KIAA1549L: variants seen among roughly 807,000 people sequenced by gnomAD.
The protein encoded by KIAA1549L is KIAA1549 like.
Under a neutral mutation model 160.7 loss-of-function variants are expected in KIAA1549L, and 88 were observed. The observed-to-expected ratio is 0.55, with a 90% CI of 0.46 to 0.65. The LOEUF is 0.65. Among genes scored for constraint, KIAA1549L ranks in the 30% least tolerant of loss-of-function variants. The pLI, the probability that KIAA1549L is intolerant of heterozygous loss-of-function variation, is 0.00. For synonymous variants in KIAA1549L, 950 were observed against 976.7 expected, an observed-to-expected ratio of 0.97 and a Z score of 0.51; for missense variants, 2,258 against 2,437.5, an observed-to-expected ratio of 0.93 and a Z score of 1.55.
intron 1 of KIAA1549L, among the ~76,000 whole-genome samples, chr11:33,422,680 A>G (rs1851041788): frequency 6.6e-6 from 1 of 151,324 alleles, no homozygotes; most frequent in Admixed American, 6.6e-5. Flanking sequence ...CAACTGTAAG[A>G]TGCCTTTTTC....
At chr11:33,625,907 T>G (rs1447055819) in intron 16 of KIAA1549L, among the ~76,000 whole-genome samples, 2 of 151,278 alleles carry the variant, frequency 1.3e-5, no homozygotes, top group Non-Finnish European at 3.0e-5. Flanking sequence ...AACGTTTAAG[T>G]CTTTAATCCA....
intron 16 of KIAA1549L, among the ~76,000 whole-genome samples, chr11:33,635,760 T>C (rs10836087): frequency 0.7 from 107,071 of 152,004 alleles, 38,743 homozygotes; most frequent in African/African-American, 0.89. Flanking sequence ...GACTTTTGAG[T>C]AGGAATTCTC....
chr11:33,419,905 C>CATACATACAT (rs1230090541), intron 1 of KIAA1549L, among the ~76,000 whole-genome samples: 2 of 53,518 alleles, frequency 3.7e-5, no homozygotes, highest in Non-Finnish European at 9.8e-5. Context: ...TACATACATA[C>CATACATACAT]ATATATATAT....
Position 33,378,861 on chromosome 11 carries a change from T to G in KIAA1549L, c.238+1972T>G, listed in dbSNP as rs1850015056. 3.9e-5 allele frequency among the ~76,000 whole-genome samples: 6 copies of G among 152,154 alleles called. No homozygotes were observed. The South Asian group carries it at 1.0e-3, about 26-fold the overall frequency. On this transcript the variant is annotated intron_variant, in intron 1 of 20. Coordinates refer to ENST00000658780, the MANE Select transcript of KIAA1549L (RefSeq NM_012194.3). The stretch of plus-strand genomic sequence containing the variant: ...CTCTCATTTGTTCTCTGATTTCCAC[T>G]GGAGGCAGTTTCACCCCAGGGTAGG...
intron 1 of KIAA1549L, among the ~76,000 whole-genome samples, chr11:33,405,866 A>G (rs1850639502): frequency 6.6e-6 from 1 of 150,472 alleles, no homozygotes; most frequent in East Asian, 1.9e-4. Flanking sequence ...AAAAAAAAGC[A>G]AAAGCTCTAC....
Position 33,545,261 on chromosome 11 carries a change from T to G in KIAA1549L, c.3268T>G (p.Leu1090Val), listed in dbSNP as rs755705749. 6.2e-7 allele frequency: 1 copy of G among 1,613,834 alleles called. No individual in the cohort carries two copies. Among genetic ancestry groups the G allele is most frequent in the Non-Finnish European group, 8.5e-7 (1 of 1,179,890 alleles). The change falls in exon 3 of 21, where the codon TTG becomes GTG. Residue 1090 changes from leucine (L) to valine (V), a missense_variant. By Grantham distance (32) the Leu-to-Val change is conservative. This residue lies in a region of KIAA1549L where 1,359 missense variants were observed against 1,546.6 expected (regional missense o/e 0.88). Transcript: ENST00000658780. ...AGTGAAGGCCACCCGGTTGCCACCATTGCGAGCAGAAAACACAGATGCTGT... is the reference window on the plus strand; with the variant it reads ...AGTGAAGGCCACCCGGTTGCCACCAGTGCGAGCAGAAAACACAGATGCTGT... ...ASVKATRLPP[L>V]RAENTDAVLP...
At chr11:33,465,766 T>C (rs142972144) in intron 1 of KIAA1549L, among the ~76,000 whole-genome samples, 1,754 of 152,216 alleles carry the variant, frequency 0.012, 20 homozygotes, top group African/African-American at 0.04. Flanking sequence ...TTTAATAGAT[T>C]GTGCCGGGAA....
chr11:33,614,908 G>GC, intron 15 of KIAA1549L, among the ~76,000 whole-genome samples: 1 of 148,806 alleles, frequency 6.7e-6, no homozygotes, highest in South Asian at 2.2e-4. Flanking sequence ...ACAGTGCCGG[G>GC]CCTCAAGCTA....
intron 1 of KIAA1549L, among the ~76,000 whole-genome samples, chr11:33,464,864 A>AT (rs1026742172): frequency 3.3e-5 from 5 of 151,482 alleles, no homozygotes; most frequent in Middle Eastern, 3.4e-3. Context: ...TTCCATTCAG[A>AT]TTTTTTTTAG....
intron 1 of KIAA1549L, among the ~76,000 whole-genome samples, chr11:33,470,561 TG>T (rs773564500): frequency 5.9e-5 from 9 of 152,150 alleles, no homozygotes; most frequent in Non-Finnish European, 1.0e-4. Context: ...ACAGAGTAGC[TG>T]GGACTACAGG....
chr11:33,413,926 A>G (rs1850834311), intron 1 of KIAA1549L, among the ~76,000 whole-genome samples: 1 of 152,176 alleles, frequency 6.6e-6, no homozygotes. Context: ...ACATTCAGAA[A>G]AAGAAGATTA....
At chr11:33,444,358 T>A (rs748485034) in intron 1 of KIAA1549L, among the ~76,000 whole-genome samples, 6 of 152,208 alleles carry the variant, frequency 3.9e-5, no homozygotes, top group Non-Finnish European at 7.3e-5. Context: ...AGATATGCTC[T>A]TATAGAATGA....
chr11:33,410,194 G>C (rs1850759914), intron 1 of KIAA1549L, among the ~76,000 whole-genome samples: 1 of 152,334 alleles, frequency 6.6e-6, no homozygotes, highest in Admixed American at 6.5e-5. Context: ...GCAGTAGACT[G>C]TAACAGAGAG....
intron 1 of KIAA1549L, among the ~76,000 whole-genome samples, chr11:33,518,194 T>C (rs1318737147): frequency 6.7e-6 from 1 of 150,214 alleles, no homozygotes; most frequent in Non-Finnish European, 1.5e-5. Context: ...ATTTTTTTCT[T>C]GGGCAAGATT....
intron 17 of KIAA1549L, among the ~76,000 whole-genome samples, chr11:33,649,228 C>G (rs1043305859): frequency 6.6e-6 from 1 of 151,600 alleles, no homozygotes; most frequent in Non-Finnish European, 1.5e-5. Flanking sequence ...GGAAGCTTAC[C>G]CAAGGCTGGG....
intron 1 of KIAA1549L, among the ~76,000 whole-genome samples, chr11:33,455,287 A>G (rs1254094209): frequency 2.0e-5 from 3 of 152,216 alleles, no homozygotes; most frequent in Non-Finnish European, 2.9e-5. Context: ...ACAGTCATAT[A>G]TTATGACTGT....
At chr11:33,652,901 G>T (rs982986939) in intron 17 of KIAA1549L, among the ~76,000 whole-genome samples, 1 of 152,176 alleles carries the variant, frequency 6.6e-6, no homozygotes, top group Non-Finnish European at 1.5e-5. Context: ...CCCTGCTTTC[G>T]TCTGTCTATG....
chr11:33,477,505 ACG>A (rs1028187570), intron 1 of KIAA1549L, among the ~76,000 whole-genome samples: 1 of 143,104 alleles, frequency 7.0e-6, no homozygotes, highest in African/African-American at 2.8e-5. Flanking sequence ...ACGCAGGTGC[ACG>A]CACACACACA....
intron 13 of KIAA1549L, among the ~76,000 whole-genome samples, chr11:33,600,782 G>A (rs548800771): frequency 1.3e-3 from 195 of 152,302 alleles, no homozygotes; most frequent in Admixed American, 2.1e-3. Context: ...AATGGAATCA[G>A]TGCGCATATT....
Sources: gnomAD v4.1 joint callset for allele counts (sites outside exome capture counted in the v4.1 genomes callset) on GRCh38, gnomAD v4.1.1 for gene constraint, gnomAD v4.1.1 regional missense constraint, MANE v1.5 for transcripts, NCBI Gene and HGNC (gene_info 2026-07-23, HGNC 2026-07-21) for gene names.